The following HS6ST2 variants were observed in gnomAD, a reference collection of about 807,000 sequenced individuals.
The protein encoded by HS6ST2 is heparan-sulfate 6-O-sulfotransferase 2.
In HS6ST2, 17 loss-of-function variants were observed where a neutral mutation model predicts 33.0. The ratio of observed to expected loss-of-function variants is 0.52; its 90% CI spans 0.35 to 0.77. The LOEUF is 0.77. Ranked by LOEUF, HS6ST2 falls within the 30% of genes least tolerant of loss-of-function variation. HS6ST2 has a pLI of 0.01. For missense variants in HS6ST2, 519 were observed against 551.7 expected (o/e 0.94, Z 0.59); for synonymous variants, 248 against 237.1 (o/e 1.05, Z -0.42).
At chrX:132,670,218 G>T (rs768293170) in intron 3 of HS6ST2, among the ~76,000 whole-genome samples, 3 of 111,641 alleles carry the variant, frequency 2.7e-5, no homozygotes, top group South Asian at 3.8e-4. Flanking sequence ...CAGTGGCAAA[G>T]AATATTGTCT....
At chrX:132,639,893 G>T (rs243448) in intron 4 of HS6ST2, among the ~76,000 whole-genome samples, 15,790 of 111,207 alleles carry the variant, frequency 0.14, 825 homozygotes, top group Non-Finnish European at 0.15. Flanking sequence ...CCATTGCTTT[G>T]GTCCTGCCTT....
chrX:132,643,605 G>T (rs993749066), intron 4 of HS6ST2, among the ~76,000 whole-genome samples: 3 of 111,564 alleles, frequency 2.7e-5, no homozygotes, highest in African/African-American at 9.8e-5. Context: ...CTCATCCAGG[G>T]TCATTTGGCC....
intron 2 of HS6ST2, among the ~76,000 whole-genome samples, chrX:132,955,302 T>G (rs2067056845): frequency 8.9e-6 from 1 of 111,950 alleles, no homozygotes; most frequent in Admixed American, 9.4e-5. Context: ...AAGAAAAAAT[T>G]TGTTAGTATT....
intron 3 of HS6ST2, among the ~76,000 whole-genome samples, chrX:132,683,513 C>G (rs1343472866): frequency 8.9e-6 from 1 of 112,007 alleles, no homozygotes; most frequent in Admixed American, 9.5e-5. Flanking sequence ...CCCGTAATTG[C>G]TACAGGTCAG....
chrX:132,953,086 C>T (rs1003149249), intron 2 of HS6ST2, among the ~76,000 whole-genome samples: 1 of 111,389 alleles, frequency 9.0e-6, no homozygotes, highest in African/African-American at 3.3e-5. Context: ...GGGCCCAGTT[C>T]TGAATTCCCT....
chrX:132,917,815 C>T (rs1017724264), intron 2 of HS6ST2, among the ~76,000 whole-genome samples: 3 of 111,447 alleles, frequency 2.7e-5, no homozygotes, highest in East Asian at 2.8e-4. Context: ...AATGTGTTTC[C>T]GCTTTAAGGT....
chrX:132,649,857 A>T (rs199886526), intron 4 of HS6ST2, among the ~76,000 whole-genome samples: 20 of 37,020 alleles, frequency 5.4e-4, no homozygotes, highest in South Asian at 3.9e-3. Context: ...GACTCTATCT[A>T]AAAAAAAAAA....
intron 2 of HS6ST2, among the ~76,000 whole-genome samples, chrX:132,799,277 T>G (rs1183864951): frequency 9.0e-6 from 1 of 111,287 alleles, no homozygotes; most frequent in Non-Finnish European, 1.9e-5. Flanking sequence ...TGTTATCCCA[T>G]GTAAGCCCCT....
intron 2 of HS6ST2, among the ~76,000 whole-genome samples, chrX:132,920,202 T>C (rs1203467019): frequency 9.0e-6 from 1 of 110,806 alleles, no homozygotes; most frequent in Non-Finnish European, 1.9e-5. Context: ...CTTCCTCTTC[T>C]TGTCTCCTGA....
At chrX:132,656,693 G>GT (rs2063732145) in intron 4 of HS6ST2, among the ~76,000 whole-genome samples, 1 of 111,854 alleles carries the variant, frequency 8.9e-6, no homozygotes, top group Non-Finnish European at 1.9e-5. Flanking sequence ...ATGGTTTTTG[G>GT]TTTTCCATTC....
chrX:132,652,880 T>C lies in HS6ST2; in HGVS notation c.1067+16233A>G, dbSNP rs188159169. 4.5e-5 allele frequency among the ~76,000 whole-genome samples: 5 copies of C among 111,497 alleles called. No homozygotes were observed. In the Admixed American group the frequency reaches 4.8e-4, roughly 11 times the overall value. On this transcript the variant is annotated intron_variant, in intron 4 of 4. Transcript: ENST00000370833. Reference sequence around the variant, plus strand: ...GGCACTTGCAAACATGCCACAATTATCAGAGATTTGTGGTGTTAATGATTT... The same window carrying C: ...GGCACTTGCAAACATGCCACAATTACCAGAGATTTGTGGTGTTAATGATTT...
intron 4 of HS6ST2, among the ~76,000 whole-genome samples, chrX:132,637,900 AAT>A (rs1215311045): frequency 1.1e-4 from 5 of 45,640 alleles, no homozygotes; most frequent in African/African-American, 9.0e-4. Context: ...TTTTATATAT[AAT>A]ATTATATATA....
chrX:132,684,293 G>A (rs1034967502), intron 3 of HS6ST2, among the ~76,000 whole-genome samples: 9 of 94,463 alleles, frequency 9.5e-5, no homozygotes, highest in Non-Finnish European at 1.7e-4. Context: ...ATATATACAC[G>A]CACACACATA....
intron 4 of HS6ST2, among the ~76,000 whole-genome samples, chrX:132,634,346 C>T (rs762742607): frequency 1.2e-3 from 131 of 111,966 alleles, no homozygotes; most frequent in African/African-American, 3.9e-3. Flanking sequence ...AGTTCAGCCC[C>T]AGGAAAATCA....
chrX:132,934,717 A>G (rs2148489655), intron 2 of HS6ST2, among the ~76,000 whole-genome samples: 1 of 111,842 alleles, frequency 8.9e-6, no homozygotes, highest in Non-Finnish European at 1.9e-5. Context: ...GGGGAACAAA[A>G]AAGACATGAG....
chrX:132,669,199 A>G lies in HS6ST2; in HGVS notation c.981T>C (p.Ser327=), dbSNP rs1193783011. 1 of 1,199,846 alleles carries G rather than the reference A, an allele frequency of 8.3e-7. No individual in the cohort carries two copies. Among genetic ancestry groups the G allele is most frequent in the Admixed American group, 2.2e-5 (1 of 45,282 alleles). ...WRIFQILDAA[S]KDKRGSPNTN... is the part of the protein sequence containing the mutation. The stretch of plus-strand genomic sequence containing the variant: ...TGTTTGGAGAACCCCGTTTATCCTT[A>G]CTATACCCACAGAAAGAATAGAAAA... The change falls in exon 4 of 5, where the codon AGT becomes AGC. Residue 327 remains serine, a splice_region_variant and synonymous_variant. Coordinates refer to ENST00000370833, the MANE Select transcript of HS6ST2 (RefSeq NM_001394073.1).
At chrX:132,845,826 G>A (rs749933754) in intron 2 of HS6ST2, among the ~76,000 whole-genome samples, 1 of 111,354 alleles carries the variant, frequency 9.0e-6, no homozygotes, top group East Asian at 2.8e-4. Flanking sequence ...CATCAAATAC[G>A]TTATTCATAA....
At chrX:132,706,128 T>C (rs1398999789) in intron 3 of HS6ST2, among the ~76,000 whole-genome samples, 2 of 111,183 alleles carry the variant, frequency 1.8e-5, no homozygotes, top group Non-Finnish European at 3.8e-5. Context: ...TTCAAATTAC[T>C]GACAATCATA....
intron 2 of HS6ST2, among the ~76,000 whole-genome samples, chrX:132,825,580 C>G (rs1433314392): frequency 2.7e-5 from 3 of 111,531 alleles, no homozygotes; most frequent in Admixed American, 9.5e-5. Context: ...TTTTGCTAGG[C>G]CAACTTTCTG....
Sources: allele counts gnomAD v4.1 joint callset (sites outside exome capture counted in the v4.1 genomes callset), GRCh38; gene constraint gnomAD v4.1.1; transcripts MANE v1.5; gene names NCBI Gene and HGNC (gene_info 2026-07-23, HGNC 2026-07-21).